The following PTGER3 variants were observed in gnomAD, a reference collection of about 807,000 sequenced individuals.
PTGER3 encodes the protein prostaglandin E receptor 3.
A neutral mutation model predicts 34.7 loss-of-function variants in PTGER3; 22 were observed. The observed-to-expected ratio is 0.63, with a 90% confidence interval of 0.45 to 0.91. The LOEUF is 0.91. Ranked by LOEUF, PTGER3 falls within the 40% of genes least tolerant of loss-of-function variation. The pLI is 0.00. For synonymous variants in PTGER3, 241 were observed against 230.1 expected (o/e 1.05, Z -0.43); for missense variants, 468 against 519.4 (o/e 0.90, Z 0.96).
chr1:71,032,241 A>G (rs1425920452), intron 1 of PTGER3, among the ~76,000 whole-genome samples: 1 of 152,034 alleles, frequency 6.6e-6, no homozygotes, highest in East Asian at 1.9e-4. Context: ...ACCTCTCATT[A>G]TACTCTTACT....
Position 70,953,762 on chromosome 1 carries a change from C to A in PTGER3, c.1104+1G>T. ...GTTTTAATACTATCTTTGCAACTTA[C>A]TTGCTCTCTGAGTCTTCTTTTTCTC... On this transcript the variant is annotated splice_donor_variant, in intron 3 of 3. Transcript: ENST00000356595. LOFTEE classifies it high-confidence loss of function. The A allele has an allele frequency of 6.6e-7, 1 of 1,509,112 alleles. No individual in the cohort carries two copies. The highest frequency in any genetic ancestry group is 8.9e-7 in the Non-Finnish European group (1 of 1,126,574). The allele number at this position is 1,509,112 out of a possible 1,614,324, so 93.5% of individuals were successfully genotyped here. A position where few individuals can be genotyped will look rare whatever the true frequency, so the allele number is the denominator to read the frequency against.
rs1173302019 is a variant in PTGER3 at position 70,887,333 on chromosome 1, C to T, written c.*24-34474G>A. On this transcript the variant is annotated intron_variant, in intron 4 of 4. Transcript: ENST00000370931. ...TGGTATAGTCTGTTAAAGGCTTTAGCTTTAGGTTATGGTCTGCTTTGATCT... is the reference window on the plus strand; with the variant it reads ...TGGTATAGTCTGTTAAAGGCTTTAGTTTTAGGTTATGGTCTGCTTTGATCT... Among the ~76,000 whole-genome samples the T allele has an allele frequency of 2.6e-5, 4 of 152,240 alleles. No homozygotes were observed. In the East Asian group the frequency reaches 5.8e-4, roughly 22 times the overall value.
Position 71,008,992 on chromosome 1 carries a change from A to G in PTGER3, c.1077+3313T>C. ...TGCATGTCTAAAATTTCAAAGAACA[A>G]AAGTTTTCTATTTTCTTTTTCTGAG... On this transcript the variant is annotated intron_variant, in intron 2 of 3. Coordinates refer to ENST00000306666, the MANE Select transcript of PTGER3 (RefSeq NM_198719.2). 4 of 983,614 alleles carry G rather than the reference A, an allele frequency of 4.1e-6. No homozygotes were observed. The South Asian group carries it at 1.9e-4, about 46-fold the overall frequency. The allele number at this position is 983,614 out of a possible 1,614,324, so 60.9% of individuals were successfully genotyped here. A position where few individuals can be genotyped will look rare whatever the true frequency, so the allele number is the denominator to read the frequency against.
At chr1:71,031,347 C>T (rs1453063721) in intron 1 of PTGER3, among the ~76,000 whole-genome samples, 12 of 151,704 alleles carry the variant, frequency 7.9e-5, no homozygotes, top group East Asian at 3.9e-4. Context: ...AATGTTTCTA[C>T]GAATAAATTG....
chr1:70,862,183 C>T, intron 4 of PTGER3: 1 of 481,182 alleles, frequency 2.1e-6, no homozygotes, highest in Non-Finnish European at 3.1e-6. Context: ...ATTAGCACCT[C>T]TTTTTTTCAC....
chr1:70,925,249 C>T (rs1455032136), intron 4 of PTGER3, among the ~76,000 whole-genome samples: 2 of 152,214 alleles, frequency 1.3e-5, no homozygotes, highest in Non-Finnish European at 2.9e-5. Context: ...AGTTGATCCA[C>T]CTGCCTCAGC....
rs78177723 is a variant in PTGER3, at chr1:70,886,074, G to A, written c.*24-33215C>T. Among the ~76,000 whole-genome samples, 1,168 of 152,288 alleles carry A rather than the reference G, an allele frequency of 7.7e-3. 20 individuals carry two copies. The highest frequency in any genetic ancestry group is 0.027 in the African/African-American group (1,111 of 41,568). On this transcript the variant is annotated intron_variant, in intron 4 of 4. Coordinates refer to the PTGER3 transcript ENST00000370931. ...CCATACCTACCCACCAAATTCATAT[G>A]TTGAAACCCTAATCCCCAGTGTGCT...
chr1:70,981,163 C>T (rs1385410169), intron 2 of PTGER3, among the ~76,000 whole-genome samples: 5 of 152,086 alleles, frequency 3.3e-5, no homozygotes, highest in African/African-American at 7.2e-5. Flanking sequence ...ATTCCATTTA[C>T]TCCAGTTGTT....
intron 4 of PTGER3, among the ~76,000 whole-genome samples, chr1:70,857,236 C>A (rs1427260502): frequency 6.6e-6 from 1 of 152,144 alleles, no homozygotes; most frequent in Non-Finnish European, 1.5e-5. Context: ...GACAAATTCT[C>A]TTAATTTTCA....
chr1:70,872,108 C>T (rs1297493564), intron 4 of PTGER3, among the ~76,000 whole-genome samples: 1 of 152,156 alleles, frequency 6.6e-6, no homozygotes, highest in East Asian at 1.9e-4. Context: ...AAGCCATTGA[C>T]ATATTAAAGC....
intron 4 of PTGER3, among the ~76,000 whole-genome samples, chr1:70,878,692 G>T (rs982181298): frequency 6.6e-6 from 1 of 152,132 alleles, no homozygotes; most frequent in Non-Finnish European, 1.5e-5. Flanking sequence ...TACTTTAAAA[G>T]AATTTCTTCA....
At chr1:70,987,528 T>C (rs1049174591) in intron 2 of PTGER3, among the ~76,000 whole-genome samples, 1 of 152,338 alleles carries the variant, frequency 6.6e-6, no homozygotes, top group African/African-American at 2.4e-5. Context: ...AGTAGTTCCA[T>C]GATAAATCGA....
intron 4 of PTGER3, among the ~76,000 whole-genome samples, chr1:70,901,544 T>C (rs757492631): frequency 6.6e-6 from 1 of 152,194 alleles, no homozygotes; most frequent in Non-Finnish European, 1.5e-5. Context: ...TTATCCACCT[T>C]TTTGGAATAC....
intron 1 of PTGER3, among the ~76,000 whole-genome samples, chr1:71,043,144 T>C (rs1557772322): frequency 6.6e-6 from 1 of 152,216 alleles, no homozygotes; most frequent in East Asian, 1.9e-4. Flanking sequence ...AACTGAGCTA[T>C]GGTGAGCATC....
intron 4 of PTGER3, among the ~76,000 whole-genome samples, chr1:70,934,407 G>C (rs1649013001): frequency 6.6e-6 from 1 of 152,140 alleles, no homozygotes; most frequent in African/African-American, 2.4e-5. Context: ...AAAGTGACTG[G>C]CTCCCTTTCA....
In PTGER3 at chr1:70,855,058, G is replaced by A. The variant is rs1645770120; in HGVS notation, c.*24-2199C>T. Among the ~76,000 whole-genome samples, 5 of 152,226 alleles carry A rather than the reference G, an allele frequency of 3.3e-5. No individual in the cohort carries two copies. In the South Asian group the frequency reaches 1.0e-3, roughly 32 times the overall value. On this transcript the variant is annotated intron_variant, in intron 4 of 4. Transcript: ENST00000370931. ...TACAGCATTATTCTCAATACCAAGA[G>A]GTGAAAGCAACCCAAATGTCCACTG...
At chr1:71,005,389 G>A (rs1259484340) in intron 2 of PTGER3, among the ~76,000 whole-genome samples, 1 of 152,134 alleles carries the variant, frequency 6.6e-6, no homozygotes, top group Non-Finnish European at 1.5e-5. Flanking sequence ...TTCCTTTACA[G>A]GTTAACACCT....
chr1:71,025,131 C>CCCTTCCTACCTT (rs1658799708), intron 1 of PTGER3, among the ~76,000 whole-genome samples: 6 of 124,354 alleles, frequency 4.8e-5, no homozygotes, highest in African/African-American at 1.9e-4. Context: ...AGATTCCAGG[C>CCCTTCCTACCTT]CCTTCCTTCC....
intron 4 of PTGER3, among the ~76,000 whole-genome samples, chr1:70,945,227 G>T (rs1329323704): frequency 6.6e-6 from 1 of 152,080 alleles, no homozygotes; most frequent in Non-Finnish European, 1.5e-5. Context: ...TTCAAACTTG[G>T]AGAGACTAGT....
Sources: allele counts gnomAD v4.1 joint callset (sites outside exome capture counted in the v4.1 genomes callset), GRCh38; gene constraint gnomAD v4.1.1; transcripts MANE v1.5; gene names NCBI Gene and HGNC (gene_info 2026-07-23, HGNC 2026-07-21).